The following PDSS2 variants were observed in gnomAD, a reference collection of about 807,000 sequenced individuals.
PDSS2 encodes the protein decaprenyl diphosphate synthase subunit 2.
In PDSS2, 31 loss-of-function variants were observed where a neutral mutation model predicts 44.5. The observed-to-expected ratio is 0.70, with a 90% CI of 0.52 to 0.94. The LOEUF is 0.94. PDSS2 is among the 40% of genes least tolerant of loss of function. PDSS2 has a pLI of 0.00. For missense variants in PDSS2, 452 were observed against 482.2 expected (o/e 0.94, Z 0.59); for synonymous variants, 157 against 180.3 (o/e 0.87, Z 1.03).
chr6:107,215,933 T>C (rs911313753), intron 4 of PDSS2, among the ~76,000 whole-genome samples: 2 of 151,942 alleles, frequency 1.3e-5, no homozygotes, highest in Admixed American at 6.6e-5. Flanking sequence ...GTTTAGGAGT[T>C]AAAGACCAGC....
chr6:107,275,324 G>T (rs898204494), intron 2 of PDSS2, among the ~76,000 whole-genome samples: 4 of 152,072 alleles, frequency 2.6e-5, no homozygotes, highest in Non-Finnish European at 4.4e-5. Context: ...TTTAATAGGT[G>T]AAAAAATTGT....
intron 2 of PDSS2, among the ~76,000 whole-genome samples, chr6:107,286,022 C>T (rs899940476): frequency 1.1e-4 from 17 of 151,786 alleles, no homozygotes; most frequent in Non-Finnish European, 2.2e-4. Flanking sequence ...TGCCTGTAAT[C>T]CCAGCTACTC....
chr6:107,239,271 C>T (rs369816907), intron 4 of PDSS2, among the ~76,000 whole-genome samples: 5 of 151,462 alleles, frequency 3.3e-5, no homozygotes, highest in Non-Finnish European at 7.4e-5. Context: ...AGAGAGACTC[C>T]GTCTCAAAAA....
At chr6:107,242,453 A>G (rs1256064440) in intron 4 of PDSS2, among the ~76,000 whole-genome samples, 2 of 151,884 alleles carry the variant, frequency 1.3e-5, no homozygotes, top group Non-Finnish European at 1.5e-5. Flanking sequence ...TTTAGTAGAG[A>G]TGAGATGGTC....
chr6:107,426,369 T>C (rs1781004306), intron 1 of PDSS2, among the ~76,000 whole-genome samples: 1 of 152,192 alleles, frequency 6.6e-6, no homozygotes, highest in Non-Finnish European at 1.5e-5. Context: ...TTTCAGAGGA[T>C]GTATGGAAAT....
intron 1 of PDSS2, among the ~76,000 whole-genome samples, chr6:107,350,618 T>C (rs779994795): frequency 2.0e-5 from 3 of 151,952 alleles, no homozygotes; most frequent in Non-Finnish European, 2.9e-5. Flanking sequence ...CTGGGCAAAA[T>C]AGTGAGATCT....
chr6:107,397,777 G>A (rs1779994541), intron 1 of PDSS2, among the ~76,000 whole-genome samples: 2 of 152,130 alleles, frequency 1.3e-5, no homozygotes, highest in South Asian at 2.1e-4. Context: ...TTAGAATTGT[G>A]GAAAACTTGT....
rs183526778 is a variant in PDSS2, at chr6:107,285,676, G to A, written c.432-11449C>T. On this transcript the variant is annotated intron_variant, in intron 2 of 7. Transcript: ENST00000369037. ...ATTGGGGCAATTGGCTATCATTTAT[G>A]AGAAAAAAATGTTAGATCCCTATCT... Among the ~76,000 whole-genome samples, 26 of 152,120 alleles carry A rather than the reference G, an allele frequency of 1.7e-4. No homozygotes were observed. In the East Asian group the frequency reaches 4.6e-3, roughly 27 times the overall value.
At chr6:107,375,926 A>T (rs1779271477) in intron 1 of PDSS2, among the ~76,000 whole-genome samples, 1 of 152,194 alleles carries the variant, frequency 6.6e-6, no homozygotes, top group Non-Finnish European at 1.5e-5. Flanking sequence ...ATCTCAACAG[A>T]TACAGAAAAA....
At chr6:107,454,137 T>C (rs565872603) in intron 1 of PDSS2, among the ~76,000 whole-genome samples, 1 of 149,890 alleles carries the variant, frequency 6.7e-6, no homozygotes, top group Admixed American at 6.7e-5. Flanking sequence ...AGCCTCGACC[T>C]CCTGGGCTTA....
chr6:107,233,612 G>C (rs1345365233), intron 4 of PDSS2, among the ~76,000 whole-genome samples: 1 of 152,064 alleles, frequency 6.6e-6, no homozygotes, highest in Non-Finnish European at 1.5e-5. Flanking sequence ...AGGAGTTCCA[G>C]ACCAGCCCGG....
At position 107,175,859 on chromosome 6, in the gene PDSS2, TATCTC is replaced by T. The variant is rs1409449078; in HGVS notation, c.1041+17958_1041+17962del. Among the ~76,000 whole-genome samples, 20 of 152,180 alleles carry T rather than the reference TATCTC, an allele frequency of 1.3e-4. 1 individual carries two copies. The highest frequency in any genetic ancestry group is 1.3e-3 in the Admixed American group (20 of 15,260). ...TAAAGGCACTGAGCAAGACAGGTAT[TATCTC>T]ATCCGCCACTGAGTCACAAAACAAA... On this transcript the variant is annotated intron_variant, in intron 7 of 7. Coordinates refer to ENST00000369037, the MANE Select transcript of PDSS2 (RefSeq NM_020381.4).
In PDSS2 at chr6:107,254,169, G is replaced by A. The variant is rs568305352; in HGVS notation, c.631-8550C>T. On this transcript the variant is annotated intron_variant, in intron 3 of 7. Transcript: ENST00000369037. Reference sequence around the variant, plus strand: ...CTGCCTCAGCCTCCTGAGTAGCTGGGATTACAGGCGTCCACCACCATACCT... The same window carrying A: ...CTGCCTCAGCCTCCTGAGTAGCTGGAATTACAGGCGTCCACCACCATACCT... Among the ~76,000 whole-genome samples the A allele has an allele frequency of 4.0e-5, 6 of 151,558 alleles. No homozygotes were observed. The South Asian group carries it at 6.3e-4, about 16-fold the overall frequency.
chr6:107,406,952 C>CA (rs1225099377), intron 1 of PDSS2, among the ~76,000 whole-genome samples: 2 of 152,190 alleles, frequency 1.3e-5, no homozygotes, highest in African/African-American at 4.8e-5. Context: ...AACAAGAAGT[C>CA]AGTGAGGAGA....
intron 1 of PDSS2, among the ~76,000 whole-genome samples, chr6:107,340,553 C>T (rs922418287): frequency 7.9e-5 from 12 of 152,234 alleles, no homozygotes; most frequent in South Asian, 4.1e-4. Flanking sequence ...CAAAGAAATA[C>T]GAGCTGTAAG....
At chr6:107,196,680 G>C (rs1164858346) in intron 6 of PDSS2, among the ~76,000 whole-genome samples, 2 of 152,182 alleles carry the variant, frequency 1.3e-5, no homozygotes, top group African/African-American at 4.8e-5. Context: ...ATGCCTTTTT[G>C]TATGTTAACG....
chr6:107,374,253 CA>C lies in PDSS2; in HGVS notation c.297-39922del, dbSNP rs3033569. Among the ~76,000 whole-genome samples, 115 of 70,530 alleles carry C rather than the reference CA, an allele frequency of 1.6e-3. 1 individual carries two copies. Among genetic ancestry groups the C allele is most frequent in the East Asian group, 3.7e-3 (6 of 1,604 alleles). 46.3% of individuals were successfully genotyped at this position (70,530 alleles called of 152,430 possible). ...TGGGTGACAGAGCAAGACTCCATCA[CA>C]AAAAAAAAAAAAAAAAAAAAATCAC... On this transcript the variant is annotated intron_variant, in intron 1 of 7. Transcript: ENST00000369037.
intron 3 of PDSS2, among the ~76,000 whole-genome samples, chr6:107,248,252 A>G (rs1774693967): frequency 6.6e-6 from 1 of 152,110 alleles, no homozygotes; most frequent in Non-Finnish European, 1.5e-5. Context: ...GAGGAGTGAC[A>G]TGTTCAGGCA....
intron 7 of PDSS2, chr6:107,192,204 C>T (rs1772404567): frequency 3.5e-6 from 1 of 288,358 alleles, no homozygotes; most frequent in Admixed American, 4.7e-5. Flanking sequence ...CTCAAGTACA[C>T]ATCTAAGACC....
Sources: gnomAD v4.1 joint callset for allele counts (sites outside exome capture counted in the v4.1 genomes callset) on GRCh38, gnomAD v4.1.1 for gene constraint, MANE v1.5 for transcripts, NCBI Gene and HGNC (gene_info 2026-07-23, HGNC 2026-07-21) for gene names.